LEKR1: variants seen among roughly 807,000 people sequenced by gnomAD.
LEKR1 encodes protein LEKR1.
LEKR1 carries 59 observed loss-of-function variants against 72.4 expected under a neutral mutation model. The ratio of observed to expected loss-of-function variants is 0.82; its 90% CI spans 0.66 to 1.01. LEKR1 has a LOEUF of 1.01. LEKR1 is among the 50% of genes least tolerant of loss of function. LEKR1 has a pLI of 0.00. For missense variants in LEKR1, 728 were observed against 759.2 expected (o/e 0.96, Z 0.48); for synonymous variants, 257 against 263.2 (o/e 0.98, Z 0.23).
chr3:156,863,852 A>C (rs1480778060), intron 3 of LEKR1, among the ~76,000 whole-genome samples: 1 of 151,966 alleles, frequency 6.6e-6, no homozygotes, highest in Non-Finnish European at 1.5e-5. Context: ...AGGCACACCA[A>C]ATCTTGAGCC....
intron 3 of LEKR1, among the ~76,000 whole-genome samples, chr3:156,920,022 T>TC (rs1246706789): frequency 6.6e-6 from 1 of 152,062 alleles, no homozygotes; most frequent in Non-Finnish European, 1.5e-5. Context: ...CATCACGTGA[T>TC]CCCTTTGCAC....
At position 156,891,556 on chromosome 3, in the gene LEKR1, C is replaced by CT. The variant is rs143974557; in HGVS notation, c.264-29018dup. On this transcript the variant is annotated intron_variant, in intron 3 of 12. Coordinates refer to ENST00000356539, the MANE Select transcript of LEKR1 (RefSeq NM_001004316.3). ...TTAATCTGAGGGGCAGTGTTATTAT[C>CT]TGAGAGAACAGTTCAAATTAATTAT... is the stretch of plus-strand genomic sequence containing the variant. Among the ~76,000 whole-genome samples the CT allele has an allele frequency of 9.2e-3, 1,405 of 152,240 alleles. 18 individuals are homozygous for CT. Among genetic ancestry groups the CT allele is most frequent in the African/African-American group, 0.033 (1,356 of 41,528 alleles).
intron 10 of LEKR1, among the ~76,000 whole-genome samples, chr3:157,020,539 T>C (rs150586786): frequency 0.051 from 7,601 of 149,934 alleles, 225 homozygotes; most frequent in African/African-American, 0.074. Flanking sequence ...TTTGGTTTTT[T>C]GTCCTTGCGA....
chr3:156,842,348 G>T (rs916650644), intron 2 of LEKR1, among the ~76,000 whole-genome samples: 6 of 151,644 alleles, frequency 4.0e-5, no homozygotes, highest in African/African-American at 1.5e-4. Flanking sequence ...TCTTTCAAAG[G>T]CTTTTTTTTT....
intron 6 of LEKR1, among the ~76,000 whole-genome samples, chr3:156,968,102 C>T (rs1384620091): frequency 2.0e-5 from 3 of 152,092 alleles, no homozygotes; most frequent in Non-Finnish European, 4.4e-5. Flanking sequence ...ACCAGGCCTG[C>T]CCTAAAAGAG....
intron 3 of LEKR1, among the ~76,000 whole-genome samples, chr3:156,909,944 T>C (rs773431654): frequency 3.9e-5 from 6 of 152,172 alleles, no homozygotes; most frequent in Non-Finnish European, 5.9e-5. Context: ...TTCTGGACTA[T>C]ACTTTTATAG....
In LEKR1 at chr3:156,993,278, G is replaced by A; in HGVS notation, c.1109+1G>A. 6.4e-7 allele frequency: 1 copy of A among 1,565,234 alleles called. No individual in the cohort carries two copies. The highest frequency in any genetic ancestry group is 2.0e-5 in the Admixed American group (1 of 49,284). On this transcript the variant is annotated splice_donor_variant, in intron 9 of 12. Coordinates refer to ENST00000356539, the MANE Select transcript of LEKR1 (RefSeq NM_001004316.3). LOFTEE classifies it high-confidence loss of function. ...AGGTTTTAACACTGAAAAATGAAAG[G>A]TGCAGTAAACAATAATTTCTTACAA...
At chr3:156,965,371 C>G (rs1036970973) in intron 6 of LEKR1, among the ~76,000 whole-genome samples, 2 of 152,076 alleles carry the variant, frequency 1.3e-5, no homozygotes, top group Admixed American at 6.5e-5. Context: ...GAAACAGAAG[C>G]ATTTTTTGCA....
intron 5 of LEKR1, among the ~76,000 whole-genome samples, chr3:156,929,790 T>C (rs1342098234): frequency 6.6e-6 from 1 of 152,152 alleles, no homozygotes; most frequent in African/African-American, 2.4e-5. Flanking sequence ...TTACTCTGCA[T>C]GTTCTGTTCT....
intron 5 of LEKR1, among the ~76,000 whole-genome samples, chr3:156,933,895 C>T (rs1725472297): frequency 1.3e-5 from 2 of 152,194 alleles, no homozygotes; most frequent in African/African-American, 2.4e-5. Flanking sequence ...GAAAGCTTCA[C>T]TCACTTTGTT....
intron 4 of LEKR1, among the ~76,000 whole-genome samples, chr3:156,922,077 T>A (rs1724248386): frequency 6.6e-6 from 1 of 152,172 alleles, no homozygotes; most frequent in African/African-American, 2.4e-5. Context: ...TACATAAAAA[T>A]AGTACATACT....
intron 3 of LEKR1, among the ~76,000 whole-genome samples, chr3:156,891,540 G>A (rs1720668735): frequency 6.6e-6 from 1 of 152,064 alleles, no homozygotes; most frequent in Non-Finnish European, 1.5e-5. Context: ...ATTAATCTGA[G>A]GGGCAGTGTT....
chr3:156,852,983 G>T lies in LEKR1; in HGVS notation c.263+1G>T, dbSNP rs1403222845. 2 of 1,519,082 alleles carry T rather than the reference G, an allele frequency of 1.3e-6. No homozygotes were observed. The highest frequency in any genetic ancestry group is 1.8e-6 in the Non-Finnish European group (2 of 1,132,628). The allele number at this position is 1,519,082 out of a possible 1,614,324, so 94.1% of individuals were successfully genotyped here. On this transcript the variant is annotated splice_donor_variant, in intron 3 of 12. Coordinates refer to ENST00000356539, the MANE Select transcript of LEKR1 (RefSeq NM_001004316.3). LOFTEE classifies it high-confidence loss of function. Reference sequence around the variant, plus strand: ...TTGACAACAAATCCAAAACAGAAAGGTTGAGTATGTTTTTCTTTTCTATCA... The same window carrying T: ...TTGACAACAAATCCAAAACAGAAAGTTTGAGTATGTTTTTCTTTTCTATCA...
intron 3 of LEKR1, among the ~76,000 whole-genome samples, chr3:156,899,644 A>G (rs1170141799): frequency 7.0e-6 from 1 of 142,608 alleles, no homozygotes; most frequent in Non-Finnish European, 1.5e-5. Flanking sequence ...ACGCATATAT[A>G]CACATATATA....
chr3:157,014,328 C>T (rs1733138292), intron 10 of LEKR1, among the ~76,000 whole-genome samples: 1 of 151,820 alleles, frequency 6.6e-6, no homozygotes, highest in South Asian at 2.1e-4. Flanking sequence ...TTTGAGAAAC[C>T]AGTAGTTAAA....
intron 3 of LEKR1, among the ~76,000 whole-genome samples, chr3:156,882,442 C>G (rs1398349516): frequency 6.6e-6 from 1 of 152,140 alleles, no homozygotes; most frequent in Non-Finnish European, 1.5e-5. Flanking sequence ...CAAATCAAAA[C>G]CACATTGAGA....
intron 12 of LEKR1, among the ~76,000 whole-genome samples, chr3:157,043,294 G>A (rs1735502189): frequency 6.6e-6 from 1 of 152,092 alleles, no homozygotes; most frequent in African/African-American, 2.4e-5. Context: ...ATGCAAGAAT[G>A]GACTAATACA....
At chr3:156,999,346 A>G (rs1731836553) in intron 9 of LEKR1, among the ~76,000 whole-genome samples, 1 of 152,090 alleles carries the variant, frequency 6.6e-6, no homozygotes. Context: ...CCTCATGATT[A>G]AACATACCTG....
Position 157,045,367 on chromosome 3 carries a change from A to T in LEKR1, c.1696A>T (p.Arg566Ter). ...TACTTTTCTTCAGGAGACAGTGCGTAGAGAATGTGAAGAACGCTTTGAACT... is the reference window on the plus strand; with the variant it reads ...TACTTTTCTTCAGGAGACAGTGCGTTGAGAATGTGAAGAACGCTTTGAACT... ...ENTFLQETVRRECEERFELTE... is the reference protein window; with the variant it reads ...ENTFLQETVR The change falls in exon 13 of 13, where the codon AGA (arginine) becomes TGA (stop). Residue 566 changes from arginine (R) to a stop codon, truncating the protein, a stop_gained. Transcript: ENST00000356539. LOFTEE classifies it low-confidence loss of function (END_TRUNC). The T allele has an allele frequency of 6.2e-7, 1 of 1,613,874 alleles. No homozygotes were observed. Among genetic ancestry groups the T allele is most frequent in the Non-Finnish European group, 8.5e-7 (1 of 1,179,820 alleles).
Sources: gnomAD v4.1 joint callset for allele counts (sites outside exome capture counted in the v4.1 genomes callset) on GRCh38, gnomAD v4.1.1 for gene constraint, MANE v1.5 for transcripts, NCBI Gene and HGNC (gene_info 2026-07-23, HGNC 2026-07-21) for gene names.